Variants in PTK2 observed in about 807,000 individuals in gnomAD.
PTK2 encodes the protein protein tyrosine kinase 2, also known as focal adhesion kinase 1.
In PTK2, 45 loss-of-function variants were observed where a neutral mutation model predicts 150.1. That is an observed-to-expected ratio of 0.30 (90% CI 0.24 to 0.38). The LOEUF (loss-of-function observed/expected upper bound fraction) is 0.38, where lower values mean the gene tolerates loss of function less well. PTK2 is among the 10% of genes least tolerant of loss of function. The pLI, the probability that PTK2 is intolerant of heterozygous loss-of-function variation, is 1.00. For missense variants in PTK2, 919 were observed against 1,307.3 expected, an observed-to-expected ratio of 0.70 and a Z score of 4.58; for synonymous variants, 432 against 449.2, an observed-to-expected ratio of 0.96 and a Z score of 0.48.
chr8:140,776,194 G>A (rs1401887983), intron 14 of PTK2, among the ~76,000 whole-genome samples: 1 of 152,186 alleles, frequency 6.6e-6, no homozygotes, highest in Non-Finnish European at 1.5e-5. Flanking sequence ...AATAGAGACA[G>A]GTTTCACCAT....
chr8:140,844,036 G>A (rs1275656669), intron 7 of PTK2, among the ~76,000 whole-genome samples: 1 of 152,116 alleles, frequency 6.6e-6, no homozygotes. Flanking sequence ...CAGTTTTGAG[G>A]AGTACTGGTT....
intron 2 of PTK2, among the ~76,000 whole-genome samples, chr8:140,895,386 G>C (rs780734974): frequency 2.0e-5 from 3 of 152,114 alleles, no homozygotes; most frequent in Non-Finnish European, 4.4e-5. Flanking sequence ...GCTGGGCATG[G>C]TGGTGTGTGC....
At chr8:140,789,340 T>C (rs963024068) in intron 14 of PTK2, 134 bp downstream of exon 14, 1 of 791,754 alleles carries the variant, frequency 1.3e-6, no homozygotes, top group Non-Finnish European at 1.9e-6. Context: ...GGTAAAATTA[T>C]GCAAATTTGG....
At chr8:140,860,305 A>G (rs2100135308) in intron 5 of PTK2, among the ~76,000 whole-genome samples, 1 of 152,178 alleles carries the variant, frequency 6.6e-6, no homozygotes, top group Admixed American at 6.5e-5. Context: ...CTTTTGAATA[A>G]ATTCATAAAA....
At chr8:140,658,428 T>C (rs936416950) in exon 32 of PTK2, 6 of 184,298 alleles carry the variant, frequency 3.3e-5, no homozygotes, top group African/African-American at 7.0e-5. Flanking sequence ...TTTTAATAGG[T>C]CAAAGTAACT....
intron 7 of PTK2, among the ~76,000 whole-genome samples, chr8:140,835,943 G>C (rs1006203028): frequency 6.6e-6 from 1 of 152,084 alleles, no homozygotes; most frequent in African/African-American, 2.4e-5. Flanking sequence ...GTATGGGGTT[G>C]GGGGAGTGAG....
intron 1 of PTK2, among the ~76,000 whole-genome samples, chr8:140,951,849 C>T (rs950423223): frequency 1.3e-5 from 2 of 151,420 alleles, no homozygotes; most frequent in East Asian, 3.9e-4. Context: ...CATACCACTG[C>T]ACTCCAGCCT....
intron 17 of PTK2, among the ~76,000 whole-genome samples, chr8:140,748,064 G>A (rs1483207527): frequency 6.6e-6 from 1 of 152,164 alleles, no homozygotes; most frequent in African/African-American, 2.4e-5. Flanking sequence ...GTAACTGGGT[G>A]TGTTCCTTGC....
At chr8:140,999,650 T>C (rs999776700) in intron 1 of PTK2, among the ~76,000 whole-genome samples, 3 of 152,214 alleles carry the variant, frequency 2.0e-5, no homozygotes, top group African/African-American at 4.8e-5. Context: ...AACTAGTTCA[T>C]CCGTGTGCTT....
exon 11 of PTK2, chr8:140,803,583 C>T (rs762326583): frequency 6.2e-7 from 1 of 1,613,994 alleles, no homozygotes; most frequent in South Asian, 1.1e-5. Context: ...CATTCCTTTT[C>T]TGTCCTTGTC....
intron 27 of PTK2, 139 bp from the exon 31 acceptor site, chr8:140,675,638 CATAAGGTCTCAGTT>C: frequency 1.6e-6 from 1 of 643,888 alleles, no homozygotes; most frequent in Non-Finnish European, 2.7e-6. Flanking sequence ...CAGGGTTCTG[CATAAGGTCTCAGTT>C]GGGGTGGGGG....
chr8:140,927,974 A>AT (rs2100170256), intron 1 of PTK2, among the ~76,000 whole-genome samples: 3,688 of 63,108 alleles, frequency 0.058, 35 homozygotes, highest in African/African-American at 0.09. Flanking sequence ...AAAAAAAAAA[A>AT]AATATATATA....
chr8:140,973,533 C>A (rs2100188174), intron 1 of PTK2, among the ~76,000 whole-genome samples: 1 of 151,954 alleles, frequency 6.6e-6, no homozygotes, highest in South Asian at 2.1e-4. Context: ...AGTTTGCTTT[C>A]CAATAAAATG....
At chr8:140,685,719 T>G (rs2100019395) in intron 27 of PTK2, among the ~76,000 whole-genome samples, 1 of 152,176 alleles carries the variant, frequency 6.6e-6, no homozygotes, top group South Asian at 2.1e-4. Context: ...GAATGTCTAT[T>G]ATTAAAAAGT....
chr8:140,956,796 G>A (rs1345740783), intron 1 of PTK2, among the ~76,000 whole-genome samples: 1 of 152,190 alleles, frequency 6.6e-6, no homozygotes, highest in Non-Finnish European at 1.5e-5. Context: ...TGGGCACCGT[G>A]GCTCACACCT....
intron 27 of PTK2, among the ~76,000 whole-genome samples, chr8:140,677,525 A>G (rs1393713784): frequency 6.6e-6 from 1 of 152,252 alleles, no homozygotes; most frequent in Non-Finnish European, 1.5e-5. Flanking sequence ...GAAAAGAAAG[A>G]CTTTTCTTGC....
intron 4 of PTK2, among the ~76,000 whole-genome samples, chr8:140,875,608 C>T (rs2100145037): frequency 6.6e-6 from 1 of 152,198 alleles, no homozygotes; most frequent in South Asian, 2.1e-4. Context: ...GGATGGCTTA[C>T]ATTCTAAGAG....
In PTK2 at chr8:140,895,366, A is replaced by T. The variant is rs554439479; in HGVS notation, c.-32-4597T>A. 1.6e-3 allele frequency among the ~76,000 whole-genome samples: 244 copies of T among 152,080 alleles called. 3 individuals carry two copies. Among genetic ancestry groups the T allele is most frequent in the African/African-American group, 4.4e-3 (183 of 41,498 alleles). ...TTGTGAGACCCCTACAAAATAATTT[A>T]AAAAAATCAGCTGGGCATGGTGGTG... On this transcript the variant is annotated intron_variant, in intron 2 of 31. Coordinates refer to ENST00000522684, the Ensembl canonical transcript of PTK2.
chr8:140,900,738 G>A (rs1490659679), intron 2 of PTK2, among the ~76,000 whole-genome samples: 5 of 151,312 alleles, frequency 3.3e-5, no homozygotes, highest in Non-Finnish European at 5.9e-5. Context: ...AGAAAAAAAA[G>A]GAAGAAATTG....
Sources: gnomAD v4.1 joint callset for allele counts (sites outside exome capture counted in the v4.1 genomes callset) on GRCh38, gnomAD v4.1.1 for gene constraint, MANE v1.5 for transcripts, NCBI Gene and HGNC (gene_info 2026-07-23, HGNC 2026-07-21) for gene names.